The following CNEP1R1 variants were observed in gnomAD, a reference collection of about 807,000 sequenced individuals.
CNEP1R1 encodes CTD nuclear envelope phosphatase 1 regulatory subunit 1.
Under a neutral mutation model 22.7 loss-of-function variants are expected in CNEP1R1, and 10 were observed. The ratio of observed to expected loss-of-function variants is 0.44; its 90% CI spans 0.27 to 0.75. The LOEUF is 0.75. CNEP1R1 is among the 30% of genes least tolerant of loss of function. The probability of loss-of-function intolerance (pLI) is 0.17; values close to 1 mark genes in which losing one functional copy is unlikely to be tolerated. For missense variants in CNEP1R1, 73 were observed against 151.5 expected, an observed-to-expected ratio of 0.48 and a Z score of 2.72; for synonymous variants, 53 against 50.1, an observed-to-expected ratio of 1.06 and a Z score of -0.25.
Position 50,029,416 on chromosome 16 carries a change from C to G in CNEP1R1, c.98-309C>G, listed in dbSNP as rs1385755078. ...AGATCTGCAAAATCTTCACTAAGCA[C>G]AGTGAACGTTACATAGCGTAGACTC... On this transcript the variant is annotated intron_variant, in intron 2 of 5. Transcript: ENST00000427478. Among the ~76,000 whole-genome samples the G allele has an allele frequency of 3.3e-5, 5 of 152,180 alleles. 1 individual carries two copies. In the South Asian group the frequency reaches 8.3e-4, roughly 25 times the overall value.
chr16:50,030,736 T>G (rs2036224244), intron 3 of CNEP1R1, among the ~76,000 whole-genome samples: 1 of 152,232 alleles, frequency 6.6e-6, no homozygotes, highest in Admixed American at 6.5e-5. Flanking sequence ...CACAGTTAAT[T>G]CTGTGATTTT....
At chr16:50,030,950 A>G (rs982265725) in intron 3 of CNEP1R1, among the ~76,000 whole-genome samples, 2 of 152,216 alleles carry the variant, frequency 1.3e-5, no homozygotes, top group Non-Finnish European at 2.9e-5. Context: ...GCATCCTTTG[A>G]TGAAAGCTGA....
chr16:50,025,497 C>T (rs1354894125), intron 1 of CNEP1R1, 157 bp downstream of exon 1: 7 of 1,090,160 alleles, frequency 6.4e-6, no homozygotes, highest in African/African-American at 3.2e-5. Context: ...CCGTACCTGG[C>T]CAGACGCGGG....
chr16:50,026,308 C>T lies in CNEP1R1; in HGVS notation c.26-88C>T, dbSNP rs1439333960. 4.6e-6 allele frequency: 4 copies of T among 870,818 alleles called. No individual in the cohort carries two copies. The East Asian group carries it at 7.9e-5, about 17-fold the overall frequency. The allele number at this position is 870,818 out of a possible 1,614,324, so 53.9% of individuals were successfully genotyped here. ...ACCTGAAGCAGTTAAGAGTATCTCA[C>T]ATGTCGTCTTAATGTTAGGTAAATA... On this transcript the variant is annotated intron_variant, in intron 1 of 5. Coordinates refer to ENST00000427478, the MANE Select transcript of CNEP1R1 (RefSeq NM_001281789.2).
chr16:50,027,198 G>A (rs2036192239), intron 2 of CNEP1R1, among the ~76,000 whole-genome samples: 1 of 151,968 alleles, frequency 6.6e-6, no homozygotes, highest in African/African-American at 2.4e-5. Context: ...GAGCATGGGA[G>A]TTTGAGACCA....
At chr16:50,025,366 C>A (rs1383116742) in intron 1 of CNEP1R1, 26 bp downstream of exon 1, 11 of 1,435,498 alleles carry the variant, frequency 7.7e-6, no homozygotes, top group Non-Finnish European at 1.0e-5. Flanking sequence ...CGGGCCCGTC[C>A]CCCGTCTCCC....
intron 3 of CNEP1R1, among the ~76,000 whole-genome samples, chr16:50,030,366 C>T (rs369547341): frequency 5.9e-5 from 9 of 152,020 alleles, no homozygotes; most frequent in African/African-American, 2.2e-4. Context: ...CTCAGGAGAT[C>T]GAGGCTGCAG....
At chr16:50,035,032 C>T (rs1418571723) in intron 5 of CNEP1R1, among the ~76,000 whole-genome samples, 1 of 151,824 alleles carries the variant, frequency 6.6e-6, no homozygotes, top group Admixed American at 6.6e-5. Context: ...AGTCATTAAA[C>T]AAGTAATACC....
chr16:50,032,609 A>G (rs1429262911), intron 3 of CNEP1R1, among the ~76,000 whole-genome samples: 1 of 152,212 alleles, frequency 6.6e-6, no homozygotes, highest in Non-Finnish European at 1.5e-5. Context: ...AGAGAGGTGA[A>G]CAAGGCAGCA....
In CNEP1R1 at chr16:50,034,163, A is replaced by G. The variant is rs2036256321; in HGVS notation, c.336+7A>G. The G allele has an allele frequency of 2.6e-6, 4 of 1,568,542 alleles. No individual in the cohort carries two copies. Among genetic ancestry groups the G allele is most frequent in the Non-Finnish European group, 2.6e-6 (3 of 1,153,840 alleles). ...CAATATGTCTTGTGATGATGTAAGT[A>G]TTTTTTTGGTTAGAAAATTATAGAC... On this transcript the variant is annotated splice_region_variant and intron_variant, in intron 5 of 5. Coordinates refer to ENST00000427478, the MANE Select transcript of CNEP1R1 (RefSeq NM_001281789.2).
intron 5 of CNEP1R1, 75 bp downstream of exon 5, chr16:50,034,231 ATT>A: frequency 1.1e-6 from 1 of 870,782 alleles, no homozygotes; most frequent in Non-Finnish European, 1.9e-6. Flanking sequence ...AAAGGTAGAC[ATT>A]TTATTAGCAA....
chr16:50,025,799 C>A (rs766836066), intron 1 of CNEP1R1: 69 of 1,021,670 alleles, frequency 6.8e-5, no homozygotes, highest in Non-Finnish European at 2.1e-5. Context: ...CCCCTGTCTT[C>A]TAGAACTAGG....
intron 1 of CNEP1R1, chr16:50,025,673 T>G: frequency 7.4e-6 from 12 of 1,614,036 alleles, no homozygotes; most frequent in Non-Finnish European, 1.0e-5. Context: ...TATCCCTGAT[T>G]CCTGCGGTGG....
At chr16:50,025,806 T>C in intron 1 of CNEP1R1, 1 of 953,720 alleles carries the variant, frequency 1.0e-6, no homozygotes, top group Non-Finnish European at 1.7e-6. Flanking sequence ...CTTCTAGAAC[T>C]AGGCGCTGCC....
intron 5 of CNEP1R1, 35 bp downstream of exon 5, chr16:50,034,191 G>C: frequency 6.9e-7 from 1 of 1,450,332 alleles, no homozygotes; most frequent in Non-Finnish European, 9.5e-7. Flanking sequence ...TTATAGACCT[G>C]CATGAAAACA....
rs7194313 is a variant in CNEP1R1, at chr16:50,025,589, C to T, written c.25+249C>T. The T allele has an allele frequency of 0.9, 1,320,077 of 1,469,996 alleles. 593,598 individuals are homozygous for T. Among genetic ancestry groups the T allele is most frequent in the East Asian group, 1 (44,090 of 44,152 alleles). The allele number at this position is 1,469,996 out of a possible 1,614,324, so 91.1% of individuals were successfully genotyped here. On this transcript the variant is annotated intron_variant, in intron 1 of 5. Coordinates refer to ENST00000427478, the MANE Select transcript of CNEP1R1 (RefSeq NM_001281789.2). Reference sequence around the variant, plus strand: ...AGCTTCTATTTTTATTTTCTTTTCACTGGCAGACACTTGCACTTCGTGCAT... The same window carrying T: ...AGCTTCTATTTTTATTTTCTTTTCATTGGCAGACACTTGCACTTCGTGCAT...
chr16:50,025,513 G>A, intron 1 of CNEP1R1, 173 bp downstream of exon 1: 1 of 1,067,784 alleles, frequency 9.4e-7, no homozygotes, highest in Non-Finnish European at 1.4e-6. Context: ...GCGGGGGGCG[G>A]TGCCTCAGCT....
At chr16:50,025,990 CTT>C (rs1239648782) in intron 1 of CNEP1R1, among the ~76,000 whole-genome samples, 2 of 152,202 alleles carry the variant, frequency 1.3e-5, no homozygotes, top group Non-Finnish European at 2.9e-5. Context: ...ACCTCGAAGA[CTT>C]TGATGTTAGG....
At chr16:50,025,647 A>G in intron 1 of CNEP1R1, 1 of 1,613,252 alleles carries the variant, frequency 6.2e-7, no homozygotes, top group Non-Finnish European at 8.5e-7. Flanking sequence ...TTTCATTCTC[A>G]CAGCCCCGCG....
Sources: gnomAD v4.1 joint callset for allele counts (sites outside exome capture counted in the v4.1 genomes callset) on GRCh38, gnomAD v4.1.1 for gene constraint, MANE v1.5 for transcripts, NCBI Gene and HGNC (gene_info 2026-07-23, HGNC 2026-07-21) for gene names.